RNASE9: variants seen among roughly 807,000 people sequenced by gnomAD.
The protein encoded by RNASE9 is inactive ribonuclease-like protein 9.
For missense variants in RNASE9, 263 were observed against 247.1 expected (o/e 1.06, Z -0.43); for synonymous variants, 95 against 87.6 (o/e 1.08, Z -0.47).
chr14:20,557,769 A>G (rs1722488028), exon 3 of RNASE9: 1 of 152,812 alleles, frequency 6.5e-6, no homozygotes, highest in Non-Finnish European at 1.5e-5. Flanking sequence ...AAGCACTCTA[A>G]GTACATTATC....
chr14:20,560,497 C>T (rs2138863113), intron 1 of RNASE9: 1 of 151,472 alleles, frequency 6.6e-6, no homozygotes, highest in East Asian at 1.9e-4. Flanking sequence ...TATTGAAAGA[C>T]AAACAGCAAA....
chr14:20,556,700 T>C, exon 3 of RNASE9: 1 of 1,613,912 alleles, frequency 6.2e-7, no homozygotes. Context: ...ATTCCATTCT[T>C]ACATGGCACA....
intron 2 of RNASE9, chr14:20,558,674 C>A (rs761188944): frequency 7.8e-7 from 1 of 1,288,852 alleles, no homozygotes; most frequent in South Asian, 1.3e-5. Flanking sequence ...GGACAGTACA[C>A]GTGTGAAAAG....
chr14:20,559,581 C>G lies in RNASE9; in HGVS notation c.-1582+1G>C, dbSNP rs772050948. The G allele has an allele frequency of 6.6e-6, 1 of 152,140 alleles. No homozygotes were observed. Among genetic ancestry groups the G allele is most frequent in the Non-Finnish European group, 1.5e-5 (1 of 68,032 alleles). 9.4% of individuals were successfully genotyped at this position (152,140 alleles called of 1,614,324 possible). ...ACACAGCAGAAACGCCTCTGGCCTA[C>G]CTGTGGAATGCAGGCTTCTTGGTTT... On this transcript the variant is annotated splice_donor_variant, in intron 2 of 2. Coordinates refer to ENST00000555230, the Ensembl canonical transcript of RNASE9. LOFTEE classifies it low-confidence loss of function (5UTR_SPLICE).
chr14:20,557,190 G>T, exon 3 of RNASE9: 1 of 1,102,420 alleles, frequency 9.1e-7, no homozygotes. Flanking sequence ...CTAAGATTTT[G>T]GACCATTTTT....
At chr14:20,558,432 A>G in exon 3 of RNASE9, 1 of 760,274 alleles carries the variant, frequency 1.3e-6, no homozygotes, top group Non-Finnish European at 2.4e-6. Context: ...ATGGGAAAGA[A>G]AAGAAAAAGT....
chr14:20,556,523 T>C, exon 3 of RNASE9: 1 of 1,613,894 alleles, frequency 6.2e-7, no homozygotes, highest in Non-Finnish European at 8.5e-7. Context: ...ACGAGATCAT[T>C]TATAGTATGA....
At chr14:20,556,815 A>G (rs768820781) in exon 3 of RNASE9, 2 of 1,613,896 alleles carry the variant, frequency 1.2e-6, no homozygotes, top group South Asian at 1.1e-5. Flanking sequence ...CCATGATTTC[A>G]TGGTTACAGT....
At chr14:20,558,089 T>A (rs1220384810) in exon 3 of RNASE9, 1 of 239,430 alleles carries the variant, frequency 4.2e-6, no homozygotes, top group East Asian at 9.6e-5. Flanking sequence ...AAAACGGAAT[T>A]TGAGCCCCTA....
exon 3 of RNASE9, chr14:20,556,666 C>T (rs757877031): frequency 1.2e-6 from 2 of 1,613,102 alleles, no homozygotes; most frequent in Admixed American, 1.7e-5. Context: ...TTCTACAAGA[C>T]CTTTGCTCCT....
chr14:20,558,504 C>A (rs1369984222), exon 3 of RNASE9: 10 of 1,439,430 alleles, frequency 6.9e-6, no homozygotes, highest in Non-Finnish European at 9.6e-6. Context: ...ACTGTCCCTC[C>A]CCTCCCTGCT....
exon 3 of RNASE9, chr14:20,556,944 T>C (rs1204691665): frequency 6.2e-7 from 1 of 1,614,078 alleles, no homozygotes; most frequent in African/African-American, 1.3e-5. Context: ...CTTCAAATTC[T>C]TCTTTTTTAT....
exon 3 of RNASE9, chr14:20,556,932 C>T: frequency 6.2e-7 from 1 of 1,614,052 alleles, no homozygotes; most frequent in Non-Finnish European, 8.5e-7. Context: ...TTTCCAAACA[C>T]TCTTCAAATT....
chr14:20,556,667 C>T (rs779556749), exon 3 of RNASE9: 7 of 1,613,436 alleles, frequency 4.3e-6, no homozygotes, highest in African/African-American at 1.3e-5. Context: ...TCTACAAGAC[C>T]TTTGCTCCTG....
At chr14:20,559,139 G>A (rs1197394177) in intron 2 of RNASE9, among the ~76,000 whole-genome samples, 1 of 150,978 alleles carries the variant, frequency 6.6e-6, no homozygotes, top group African/African-American at 2.4e-5. Context: ...TTTTTTAAGA[G>A]TCATGGTCTC....
At chr14:20,558,851 T>C (rs1229384036) in intron 2 of RNASE9, among the ~76,000 whole-genome samples, 1 of 152,238 alleles carries the variant, frequency 6.6e-6, no homozygotes, top group African/African-American at 2.4e-5. Flanking sequence ...TCTCAAAGTA[T>C]GTGAATTTTT....
chr14:20,559,212 G>A (rs975052771), intron 2 of RNASE9, among the ~76,000 whole-genome samples: 8 of 151,904 alleles, frequency 5.3e-5, no homozygotes, highest in African/African-American at 1.9e-4. Context: ...GGCCTATCAA[G>A]TAGCTGGGCC....
At chr14:20,556,901 C>A (rs777025881) in exon 3 of RNASE9, 2 of 1,613,862 alleles carry the variant, frequency 1.2e-6, no homozygotes, top group Non-Finnish European at 1.7e-6. Context: ...GGTGGTCTGG[C>A]GGGCCCTGTA....
At chr14:20,556,251 A>G (rs1883677957) in exon 3 of RNASE9, 2 of 525,144 alleles carry the variant, frequency 3.8e-6, no homozygotes, top group Non-Finnish European at 6.7e-6. Context: ...ATGCTAACTT[A>G]GGGGACCTGC....
Sources: allele counts gnomAD v4.1 joint callset (sites outside exome capture counted in the v4.1 genomes callset), GRCh38; gene constraint gnomAD v4.1.1; transcripts MANE v1.5; gene names NCBI Gene and HGNC (gene_info 2026-07-23, HGNC 2026-07-21).